Variants in GPRIN3 observed in about 807,000 individuals in gnomAD.
GPRIN3 encodes the protein G protein-regulated inducer of neurite outgrowth 3.
A neutral mutation model predicts 13.7 loss-of-function variants in GPRIN3; 12 were observed. The ratio of observed to expected loss-of-function variants is 0.87; its 90% CI spans 0.56 to 1.42. The LOEUF (loss-of-function observed/expected upper bound fraction) is 1.42, where lower values mean the gene tolerates loss of function less well. GPRIN3 is among the 40% of genes most tolerant of loss of function. GPRIN3 has a pLI of 0.00. For synonymous variants in GPRIN3, 377 were observed against 372.7 expected, an observed-to-expected ratio of 1.01 and a Z score of -0.13; for missense variants, 1,009 against 958.7, an observed-to-expected ratio of 1.05 and a Z score of -0.69.
chr4:89,272,078 T>C (rs1443171958), intron 1 of GPRIN3, among the ~76,000 whole-genome samples: 1 of 152,152 alleles, frequency 6.6e-6, no homozygotes, highest in Non-Finnish European at 1.5e-5. Context: ...GCCGGAACCT[T>C]GACCTTGGAC....
chr4:89,276,207 C>T (rs1442416589), intron 1 of GPRIN3, among the ~76,000 whole-genome samples: 2 of 152,162 alleles, frequency 1.3e-5, no homozygotes, highest in African/African-American at 4.8e-5. Flanking sequence ...ATCTACTATG[C>T]ACCAGATATC....
intron 1 of GPRIN3, among the ~76,000 whole-genome samples, chr4:89,274,488 T>C (rs746950467): frequency 1.3e-5 from 2 of 152,202 alleles, no homozygotes; most frequent in Non-Finnish European, 1.5e-5. Flanking sequence ...TGTTGATATT[T>C]GCACGGACTG....
At chr4:89,283,698 T>C (rs1724322374) in intron 1 of GPRIN3, among the ~76,000 whole-genome samples, 1 of 152,136 alleles carries the variant, frequency 6.6e-6, no homozygotes, top group Non-Finnish European at 1.5e-5. Context: ...GCAACAGCAA[T>C]GCTGCCTTGA....
chr4:89,238,948 A>G lies in GPRIN3; in HGVS notation c.*8832T>C, dbSNP rs1722853205. On this transcript the variant is annotated 3_prime_UTR_variant, in exon 2 of 2. Transcript: ENST00000609438. ...GGTAAAACTAAGTCATTAGTTGAATATCAGAATTTTAAGCATCCATTCAAA... is the reference window on the plus strand; with the variant it reads ...GGTAAAACTAAGTCATTAGTTGAATGTCAGAATTTTAAGCATCCATTCAAA... The G allele has an allele frequency of 6.6e-6, 1 of 152,252 alleles. No individual in the cohort carries two copies. Among genetic ancestry groups the G allele is most frequent in the Non-Finnish European group, 1.5e-5 (1 of 68,050 alleles). The allele number at this position is 152,252 out of a possible 1,614,324, so 9.4% of individuals were successfully genotyped here. A position where few individuals can be genotyped will look rare whatever the true frequency, so the allele number is the denominator to read the frequency against.
At chr4:89,281,562 A>T (rs1316886242) in intron 1 of GPRIN3, among the ~76,000 whole-genome samples, 1 of 152,122 alleles carries the variant, frequency 6.6e-6, no homozygotes, top group African/African-American at 2.4e-5. Flanking sequence ...CCCACCTCCA[A>T]CACTGGGGAT....
At chr4:89,264,212 G>A (rs1481423774) in intron 1 of GPRIN3, among the ~76,000 whole-genome samples, 1 of 152,240 alleles carries the variant, frequency 6.6e-6, no homozygotes, top group East Asian at 1.9e-4. Context: ...CCTTGCAGAT[G>A]AATGAGTTCT....
chr4:89,299,105 A>C (rs1724820528), intron 1 of GPRIN3, among the ~76,000 whole-genome samples: 1 of 152,198 alleles, frequency 6.6e-6, no homozygotes, highest in Non-Finnish European at 1.5e-5. Flanking sequence ...ATCTCTAAAG[A>C]CTTTTAACAC....
In GPRIN3 at chr4:89,248,665, A is replaced by T. The variant is rs1723193494; in HGVS notation, c.1446T>A (p.Ser482Arg). ...SISACSQAET[S>R]YGLGKFETRP... ...TGGTTTCAAATTTCCCCAATCCATA[A>T]CTTGTTTCAGCTTGACTGCATGCAC... is the stretch of plus-strand genomic sequence containing the variant. Residue 482 changes from serine to arginine, a missense_variant, in exon 2 of 2, where the codon AGT (serine) becomes AGA (arginine). Coordinates refer to ENST00000609438, the MANE Select transcript of GPRIN3 (RefSeq NM_198281.3). 1 of 1,613,990 alleles carries T rather than the reference A, an allele frequency of 6.2e-7. No homozygotes were observed. The highest frequency in any genetic ancestry group is 1.7e-5 in the Admixed American group (1 of 60,000).
intron 1 of GPRIN3, among the ~76,000 whole-genome samples, chr4:89,279,632 C>CA (rs1433713940): frequency 3.9e-5 from 6 of 152,214 alleles, no homozygotes; most frequent in Non-Finnish European, 7.3e-5. Flanking sequence ...TGGACTTGGC[C>CA]AAAACAAATG....
chr4:89,260,267 C>T (rs1723588413), intron 1 of GPRIN3, among the ~76,000 whole-genome samples: 1 of 152,164 alleles, frequency 6.6e-6, no homozygotes, highest in Non-Finnish European at 1.5e-5. Context: ...AGGCAAATTC[C>T]TCAGGGTCTT....
In GPRIN3 at chr4:89,249,626, G is replaced by A. The variant is rs555766099; in HGVS notation, c.485C>T (p.Ser162Leu). 8.7e-6 allele frequency: 14 copies of A among 1,614,170 alleles called. No homozygotes were observed. In the South Asian group the frequency reaches 1.3e-4, roughly 15 times the overall value. ...TGGTTTCTCAGGTTGCTCTCTATTT[G>A]AGGTTCTCTGTGATCTCATCAGGGA... is the stretch of plus-strand genomic sequence containing the variant. ...EDSLMRSQRT[S>L]NREQPEKPSC... The change falls in exon 2 of 2, where the codon TCA becomes TTA. Residue 162 changes from serine (S) to leucine (L), a missense_variant. Coordinates refer to ENST00000609438, the MANE Select transcript of GPRIN3 (RefSeq NM_198281.3).
intron 1 of GPRIN3, among the ~76,000 whole-genome samples, chr4:89,296,345 T>C (rs981708740): frequency 6.6e-6 from 1 of 152,234 alleles, no homozygotes; most frequent in Admixed American, 6.5e-5. Context: ...GATTTTCACC[T>C]TCCAAATGGA....
intron 1 of GPRIN3, among the ~76,000 whole-genome samples, chr4:89,307,297 A>ACACACACACACACACC (rs1491184500): frequency 4.2e-5 from 6 of 142,266 alleles, no homozygotes; most frequent in African/African-American, 8.0e-5. Context: ...ACACACACAC[A>ACACACACACACACACC]CCCCTCATAT....
At chr4:89,285,920 G>C (rs79058090) in intron 1 of GPRIN3, among the ~76,000 whole-genome samples, 1 of 152,102 alleles carries the variant, frequency 6.6e-6, no homozygotes, top group Admixed American at 6.6e-5. Flanking sequence ...AAGAGAAGCC[G>C]TATACTAGTT....
intron 1 of GPRIN3, among the ~76,000 whole-genome samples, chr4:89,269,965 C>G (rs192611826): frequency 6.6e-6 from 1 of 152,268 alleles, no homozygotes; most frequent in Non-Finnish European, 1.5e-5. Context: ...TTAATTTACT[C>G]AATCAATAAT....
chr4:89,239,782 C>T lies in GPRIN3; in HGVS notation c.*7998G>A, dbSNP rs546532100. The stretch of plus-strand genomic sequence containing the variant: ...GTTCAAGTGATTCTCCCACCTCAGC[C>T]TCCCGAGTAGCTGGGATTACAGGCA... On this transcript the variant is annotated 3_prime_UTR_variant, in exon 2 of 2. Transcript: ENST00000609438. The T allele has an allele frequency of 1.3e-5, 2 of 152,428 alleles. No individual in the cohort carries two copies. Among genetic ancestry groups the T allele is most frequent in the Admixed American group, 6.5e-5 (1 of 15,300 alleles). The allele number at this position is 152,428 out of a possible 1,614,324, so 9.4% of individuals were successfully genotyped here.
intron 1 of GPRIN3, among the ~76,000 whole-genome samples, chr4:89,270,602 A>ATATATATATATATAT (rs1561205844): frequency 1.8e-5 from 1 of 55,596 alleles, no homozygotes; most frequent in African/African-American, 9.9e-5. Context: ...TATATATATA[A>ATATATATATATATAT]AATATAGATA....
chr4:89,302,901 C>T (rs568044383), intron 1 of GPRIN3, among the ~76,000 whole-genome samples: 337 of 151,830 alleles, frequency 2.2e-3, no homozygotes, highest in Non-Finnish European at 4.2e-3. Context: ...TGGTTGCATT[C>T]CAAATCAACT....
In GPRIN3 at chr4:89,248,756, G is replaced by A. The variant is rs150369130; in HGVS notation, c.1355C>T (p.Ala452Val). The change falls in exon 2 of 2, where the codon GCT (alanine) becomes GTT (valine). Residue 452 changes from alanine (A) to valine (V), a missense_variant. Ala to Val is a moderately conservative substitution (Grantham distance 64, BLOSUM62 0). Coordinates refer to ENST00000609438, the MANE Select transcript of GPRIN3 (RefSeq NM_198281.3). The stretch of plus-strand genomic sequence containing the variant: ...AGAATTAGTACCTGCGAGCTTTTTA[G>A]CAGTTGACTCTTCCCTCACTGGAGT... ...GMTPVREEST[A>V]KKLAGTNSSS... 7.4e-6 allele frequency: 12 copies of A among 1,614,048 alleles called. No homozygotes were observed. Among genetic ancestry groups the A allele is most frequent in the Non-Finnish European group, 1.0e-5 (12 of 1,180,040 alleles).
Sources: gnomAD v4.1 joint callset for allele counts (sites outside exome capture counted in the v4.1 genomes callset) on GRCh38, gnomAD v4.1.1 for gene constraint, MANE v1.5 for transcripts, NCBI Gene and HGNC (gene_info 2026-07-23, HGNC 2026-07-21) for gene names.